The following LINC00305 variants were observed in gnomAD, a reference collection of about 807,000 sequenced individuals.
LINC00305 encodes long independently transcribed non-coding RNA 305.
chr18:64,111,493 T>C (rs974985690), intron 1 of LINC00305, among the ~76,000 whole-genome samples: 1 of 152,238 alleles, frequency 6.6e-6, no homozygotes, highest in African/African-American at 2.4e-5. Flanking sequence ...CCTGTCATTT[T>C]TAGTGTTTCA....
chr18:64,120,854 G>C (rs1314540429), intron 1 of LINC00305, among the ~76,000 whole-genome samples: 1 of 152,088 alleles, frequency 6.6e-6, no homozygotes, highest in Non-Finnish European at 1.5e-5. Flanking sequence ...AAATATTTCT[G>C]TGCACGGTAC....
intron 2 of LINC00305, chr18:64,098,492 A>G: frequency 2.4e-6 from 1 of 417,188 alleles, no homozygotes; most frequent in Non-Finnish European, 4.6e-6. Flanking sequence ...AATTTGGGAA[A>G]CAAATTATGA....
intron 1 of LINC00305, among the ~76,000 whole-genome samples, chr18:64,134,815 C>G (rs1474137690): frequency 6.6e-6 from 1 of 152,098 alleles, no homozygotes; most frequent in South Asian, 2.1e-4. Flanking sequence ...AAATCAACAT[C>G]GAGTTATAAA....
intron 1 of LINC00305, among the ~76,000 whole-genome samples, chr18:64,132,612 C>T (rs1289410368): frequency 6.6e-6 from 1 of 152,154 alleles, no homozygotes; most frequent in African/African-American, 2.4e-5. Flanking sequence ...AGACCACATT[C>T]CCACTGAGTG....
chr18:64,105,182 C>T (rs562241199), intron 1 of LINC00305, among the ~76,000 whole-genome samples: 10 of 152,064 alleles, frequency 6.6e-5, no homozygotes, highest in African/African-American at 2.2e-4. Context: ...TTTTCTAGGC[C>T]GGGTGTGGTG....
rs529697901 is a variant in LINC00305 at position 64,109,707 on chromosome 18, G to GT, written n.315-11068dup. On this transcript the variant is annotated intron_variant and non_coding_transcript_variant, in intron 1 of 3. Transcript: ENST00000666468. ...ATAACTAATGCTCAGAAATATCTTG[G>GT]TTTTTTTTTCCTGTCACATGGAAGA... Among the ~76,000 whole-genome samples, 1,135 of 151,308 alleles carry GT rather than the reference G, an allele frequency of 7.5e-3. 13 individuals are homozygous for GT. The highest frequency in any genetic ancestry group is 0.013 in the South Asian group (63 of 4,758).
intron 3 of LINC00305, among the ~76,000 whole-genome samples, chr18:64,097,174 A>G (rs1011132851): frequency 7.9e-5 from 12 of 152,078 alleles, no homozygotes; most frequent in African/African-American, 2.7e-4. Context: ...ATTATTTAAG[A>G]AAGTTGTAAT....
chr18:64,140,695 G>T (rs2051458102), intron 1 of LINC00305, among the ~76,000 whole-genome samples: 1 of 152,140 alleles, frequency 6.6e-6, no homozygotes, highest in Non-Finnish European at 1.5e-5. Flanking sequence ...TTACTGCCGT[G>T]GTTATGTTAT....
intron 1 of LINC00305, among the ~76,000 whole-genome samples, chr18:64,105,020 C>A (rs1021022846): frequency 2.0e-5 from 3 of 151,998 alleles, no homozygotes; most frequent in Non-Finnish European, 4.4e-5. Context: ...GCACCCACCC[C>A]CCAGCTCCCC....
chr18:64,132,031 T>G (rs1430075255), intron 1 of LINC00305, among the ~76,000 whole-genome samples: 1 of 152,228 alleles, frequency 6.6e-6, no homozygotes, highest in African/African-American at 2.4e-5. Flanking sequence ...GTAGTTGCAA[T>G]AGAAAGTATT....
chr18:64,143,773 TACATGTATGTACACATATTATGC>T (rs2051482566), intron 1 of LINC00305, among the ~76,000 whole-genome samples: 1 of 99,470 alleles, frequency 1.0e-5, no homozygotes, highest in African/African-American at 3.6e-5. Flanking sequence ...ATATTATGCG[TACATGTATGTACACATATTATGC>T]GTACATGTAT....
intron 1 of LINC00305, among the ~76,000 whole-genome samples, chr18:64,109,138 G>C (rs182849865): frequency 2.0e-5 from 3 of 152,166 alleles, no homozygotes; most frequent in African/African-American, 4.8e-5. Context: ...TGATCCTATG[G>C]GAGGTACTCT....
At chr18:64,144,952 T>G (rs988646100) in intron 1 of LINC00305, among the ~76,000 whole-genome samples, 1 of 152,034 alleles carries the variant, frequency 6.6e-6, no homozygotes, top group Non-Finnish European at 1.5e-5. Flanking sequence ...AACGGACACA[T>G]GGGGGTCGCC....
chr18:64,080,793 C>T (rs1375370426), intron 3 of LINC00305, among the ~76,000 whole-genome samples: 1 of 152,118 alleles, frequency 6.6e-6, no homozygotes, highest in African/African-American at 2.4e-5. Context: ...ATATGCAAAA[C>T]ATGTCTGTAA....
At chr18:64,089,355 G>T (rs1253620358) in intron 3 of LINC00305, among the ~76,000 whole-genome samples, 1 of 152,160 alleles carries the variant, frequency 6.6e-6, no homozygotes, top group Non-Finnish European at 1.5e-5. Context: ...GTTTCCTGAG[G>T]CCTCCCCAGC....
At chr18:64,089,865 A>T (rs1054016372) in intron 3 of LINC00305, among the ~76,000 whole-genome samples, 2 of 152,182 alleles carry the variant, frequency 1.3e-5, no homozygotes, top group Non-Finnish European at 2.9e-5. Flanking sequence ...TCACTATTAA[A>T]AGAACAGCAT....
intron 1 of LINC00305, among the ~76,000 whole-genome samples, chr18:64,145,646 C>T (rs1443353502): frequency 6.6e-6 from 1 of 152,168 alleles, no homozygotes; most frequent in Non-Finnish European, 1.5e-5. Flanking sequence ...AAGCTCCTGA[C>T]CTCAGGTAAT....
chr18:64,137,624 T>G (rs1317008711), intron 1 of LINC00305, among the ~76,000 whole-genome samples: 2 of 152,148 alleles, frequency 1.3e-5, no homozygotes, highest in East Asian at 3.9e-4. Context: ...AATTCCGAAG[T>G]TGGGGTTGGT....
At chr18:64,135,803 T>C (rs2051430700) in intron 1 of LINC00305, among the ~76,000 whole-genome samples, 1 of 152,144 alleles carries the variant, frequency 6.6e-6, no homozygotes, top group Non-Finnish European at 1.5e-5. Flanking sequence ...CATGTTGTTC[T>C]GGCACTCCTG....
Sources: gnomAD v4.1 joint callset for allele counts (sites outside exome capture counted in the v4.1 genomes callset) on GRCh38, gnomAD v4.1.1 for gene constraint, MANE v1.5 for transcripts, NCBI Gene and HGNC (gene_info 2026-07-23, HGNC 2026-07-21) for gene names.